Variants in COMMD10 observed in about 807,000 individuals in gnomAD.
The protein encoded by COMMD10 is COMM domain containing 10.
Under a neutral mutation model 28.9 loss-of-function variants are expected in COMMD10, and 33 were observed. That is an observed-to-expected ratio of 1.14 (90% CI 0.87 to 1.53). The LOEUF (loss-of-function observed/expected upper bound fraction) is 1.53. COMMD10 is among the 40% of genes most tolerant of loss of function. The pLI is 0.00. For missense variants in COMMD10, 310 were observed against 233.4 expected, an observed-to-expected ratio of 1.33 and a Z score of -2.14; for synonymous variants, 110 against 81.7, an observed-to-expected ratio of 1.35 and a Z score of -1.87.
intron 2 of COMMD10, among the ~76,000 whole-genome samples, chr5:116,088,700 G>A (rs1055388511): frequency 6.6e-6 from 1 of 152,156 alleles, no homozygotes; most frequent in Non-Finnish European, 1.5e-5. Context: ...GCCTATAAAT[G>A]TCCTTCTTCC....
chr5:116,200,341 A>G (rs1748634263), intron 5 of COMMD10, among the ~76,000 whole-genome samples: 1 of 151,976 alleles, frequency 6.6e-6, no homozygotes. Flanking sequence ...CCACTTTGGC[A>G]TCTTTCAGGA....
At chr5:116,251,836 A>G (rs1477606269) in intron 5 of COMMD10, among the ~76,000 whole-genome samples, 3 of 152,098 alleles carry the variant, frequency 2.0e-5, no homozygotes, top group Non-Finnish European at 4.4e-5. Flanking sequence ...ATCACATGGT[A>G]TTTCTAGTTC....
At chr5:116,110,154 T>C (rs1196980880) in intron 4 of COMMD10, among the ~76,000 whole-genome samples, 1 of 152,226 alleles carries the variant, frequency 6.6e-6, no homozygotes, top group Non-Finnish European at 1.5e-5. Flanking sequence ...CTTCATTCTT[T>C]TTATGTGATG....
At chr5:116,249,554 G>A (rs2112671978) in intron 5 of COMMD10, among the ~76,000 whole-genome samples, 2 of 152,028 alleles carry the variant, frequency 1.3e-5, no homozygotes, top group Middle Eastern at 6.8e-3. Flanking sequence ...TCAAAAATGA[G>A]AAGAGACAAG....
chr5:116,262,307 T>C (rs1366642879), intron 5 of COMMD10, among the ~76,000 whole-genome samples: 1 of 151,772 alleles, frequency 6.6e-6, no homozygotes, highest in Non-Finnish European at 1.5e-5. Flanking sequence ...TTCAACAGAA[T>C]AGAAGTTTAA....
At chr5:116,177,081 C>A (rs1285853299) in intron 5 of COMMD10, among the ~76,000 whole-genome samples, 2 of 152,042 alleles carry the variant, frequency 1.3e-5, no homozygotes, top group African/African-American at 2.4e-5. Context: ...GATGGGCTTG[C>A]AAAGGTAGTC....
At chr5:116,102,545 C>T (rs191014633) in intron 4 of COMMD10, among the ~76,000 whole-genome samples, 72 of 152,208 alleles carry the variant, frequency 4.7e-4, no homozygotes, top group African/African-American at 1.7e-3. Flanking sequence ...TCAGGTTCTT[C>T]ATTGCTTCCA....
chr5:116,225,221 A>G (rs1749360898), intron 5 of COMMD10, among the ~76,000 whole-genome samples: 1 of 151,900 alleles, frequency 6.6e-6, no homozygotes, highest in Non-Finnish European at 1.5e-5. Context: ...AGTTCTTTGA[A>G]TATATTTATA....
At chr5:116,197,117 T>C (rs1242037004) in intron 5 of COMMD10, among the ~76,000 whole-genome samples, 8 of 152,128 alleles carry the variant, frequency 5.3e-5, no homozygotes, top group Non-Finnish European at 1.0e-4. Context: ...CTTTTGGCAT[T>C]TTTTAATGTG....
At chr5:116,234,211 G>T (rs1480921569) in intron 5 of COMMD10, among the ~76,000 whole-genome samples, 2 of 152,134 alleles carry the variant, frequency 1.3e-5, no homozygotes, top group African/African-American at 4.8e-5. Context: ...ATTCTCAGCA[G>T]CATCAGAGTA....
chr5:116,130,927 A>G (rs954045497), intron 4 of COMMD10, among the ~76,000 whole-genome samples: 1 of 152,072 alleles, frequency 6.6e-6, no homozygotes, highest in Non-Finnish European at 1.5e-5. Context: ...AAATCAAAAT[A>G]CTTGATAGTT....
chr5:116,198,218 T>TCAA (rs1279267387), intron 5 of COMMD10, among the ~76,000 whole-genome samples: 1 of 152,206 alleles, frequency 6.6e-6, no homozygotes, highest in African/African-American at 2.4e-5. Context: ...CCTTTTTGTA[T>TCAA]GCCTTTTATA....
chr5:116,198,487 G>A (rs916103875), intron 5 of COMMD10, among the ~76,000 whole-genome samples: 2 of 152,086 alleles, frequency 1.3e-5, no homozygotes, highest in Non-Finnish European at 2.9e-5. Flanking sequence ...TCCCCTATTA[G>A]AGTGATATGT....
At chr5:116,133,982 A>AT in intron 4 of COMMD10, 86 bp from the exon 5 acceptor site, 1 of 796,926 alleles carries the variant, frequency 1.3e-6, no homozygotes, top group African/African-American at 1.7e-5. Flanking sequence ...ATCCATATAC[A>AT]TTCCTGCTGA....
chr5:116,261,227 A>G (rs973035945), intron 5 of COMMD10, among the ~76,000 whole-genome samples: 1 of 151,832 alleles, frequency 6.6e-6, no homozygotes, highest in Non-Finnish European at 1.5e-5. Context: ...GAAGTTGATT[A>G]TAATGTTCAT....
chr5:116,259,694 G>A (rs1408035812), intron 5 of COMMD10, among the ~76,000 whole-genome samples: 2 of 151,644 alleles, frequency 1.3e-5, no homozygotes. Flanking sequence ...TAACTGCAGG[G>A]CAAAAGAAGT....
intron 5 of COMMD10, among the ~76,000 whole-genome samples, chr5:116,223,381 G>A (rs1749315077): frequency 6.6e-6 from 1 of 151,882 alleles, no homozygotes; most frequent in Non-Finnish European, 1.5e-5. Flanking sequence ...GTAAGGATAT[G>A]GCTATCTATA....
chr5:116,271,067 G>T (rs1299779127), intron 5 of COMMD10, among the ~76,000 whole-genome samples: 1 of 151,336 alleles, frequency 6.6e-6, no homozygotes, highest in Non-Finnish European at 1.5e-5. Context: ...TCTCCAAGTG[G>T]ATTAGCTTTC....
At chr5:116,099,521 C>G (rs550640135) in intron 4 of COMMD10, among the ~76,000 whole-genome samples, 1 of 152,268 alleles carries the variant, frequency 6.6e-6, no homozygotes, top group South Asian at 2.1e-4. Flanking sequence ...AACCTCCATA[C>G]TGTTTTTCAT....
Sources: allele counts gnomAD v4.1 joint callset (sites outside exome capture counted in the v4.1 genomes callset), GRCh38; gene constraint gnomAD v4.1.1; transcripts MANE v1.5; gene names NCBI Gene and HGNC (gene_info 2026-07-23, HGNC 2026-07-21).